HUWE1: variants seen among roughly 807,000 people sequenced by gnomAD.
The protein encoded by HUWE1 is HECT, UBA and WWE domain containing E3 ubiquitin protein ligase 1, also known as E3 ubiquitin-protein ligase HUWE1.
A neutral mutation model predicts 299.4 loss-of-function variants in HUWE1; 18 were observed. That is an observed-to-expected ratio of 0.06 (90% CI 0.04 to 0.09). The LOEUF (loss-of-function observed/expected upper bound fraction) is 0.09, where lower values mean the gene tolerates loss of function less well. Ranked by LOEUF, HUWE1 falls within the 10% of genes least tolerant of loss-of-function variation. The pLI, the probability that HUWE1 is intolerant of heterozygous loss-of-function variation, is 1.00. For missense variants in HUWE1, 1,832 were observed against 3,462.3 expected, an observed-to-expected ratio of 0.53 and a Z score of 11.82; for synonymous variants, 1,317 against 1,286.1, an observed-to-expected ratio of 1.02 and a Z score of -0.51.
chrX:53,627,951 T>C, intron 15 of HUWE1, 72 bp from the exon 16 acceptor site: 1 of 998,160 alleles, frequency 1.0e-6, no homozygotes, highest in Non-Finnish European at 1.4e-6. Flanking sequence ...CATGCTTTTG[T>C]ATACATGTAG....
At position 53,581,037 on chromosome X, in the gene HUWE1, G is replaced by C. The variant is rs782622210; in HGVS notation, c.5521-11C>G. The C allele has an allele frequency of 1.7e-6, 2 of 1,180,569 alleles. No homozygotes were observed. The highest frequency in any genetic ancestry group is 4.5e-5 in the Admixed American group (2 of 44,003). On this transcript the variant is annotated splice_polypyrimidine_tract_variant and intron_variant, in intron 42 of 83. Transcript: ENST00000262854. ...TGCTGAGCGAACAACCTAGTAAAGA[G>C]AGAAAGAAACACTGTCGATTAAACA...
At chrX:53,648,571 A>G (rs2068240451) in intron 4 of HUWE1, among the ~76,000 whole-genome samples, 1 of 106,084 alleles carries the variant, frequency 9.4e-6, no homozygotes, top group Non-Finnish European at 1.9e-5. Flanking sequence ...ACAAAAACCC[A>G]CCTTGGATTT....
chrX:53,561,715 G>C (rs2062303452), intron 55 of HUWE1, 41 bp downstream of exon 55: 2 of 1,207,343 alleles, frequency 1.7e-6, no homozygotes, highest in Non-Finnish European at 2.2e-6. Context: ...AAGGGTATAA[G>C]AATCAAGAGA....
chrX:53,633,014 T>C (rs1002407439), intron 8 of HUWE1, among the ~76,000 whole-genome samples: 2 of 112,745 alleles, frequency 1.8e-5, no homozygotes, highest in Middle Eastern at 4.6e-3. Flanking sequence ...CCTTCTGAAA[T>C]ATTTAATTCA....
chrX:53,616,941 C>G lies in HUWE1; in HGVS notation c.1957+29G>C, dbSNP rs781919662. 5 of 1,155,830 alleles carry G rather than the reference C, an allele frequency of 4.3e-6. No homozygotes were observed. In the Admixed American group the frequency reaches 1.1e-4, roughly 25 times the overall value. On this transcript the variant is annotated intron_variant, in intron 21 of 83. Coordinates refer to ENST00000262854, the MANE Select transcript of HUWE1 (RefSeq NM_031407.7). Reference sequence around the variant, plus strand: ...TTTCCTTGCAAACTAAATCAATTTTCTACTATAAAATAAATCTTAACAACT... The same window carrying G: ...TTTCCTTGCAAACTAAATCAATTTTGTACTATAAAATAAATCTTAACAACT...
At chrX:53,639,255 G>C (rs1399911431) in intron 7 of HUWE1, among the ~76,000 whole-genome samples, 3 of 111,873 alleles carry the variant, frequency 2.7e-5, no homozygotes, top group Non-Finnish European at 5.6e-5. Context: ...AATCATTACT[G>C]ATCAGTGAAG....
chrX:53,666,147 C>A (rs962027807), intron 3 of HUWE1, among the ~76,000 whole-genome samples: 31 of 111,516 alleles, frequency 2.8e-4, no homozygotes, highest in Non-Finnish European at 5.3e-4. Flanking sequence ...TTACTTCACC[C>A]GAGACTTATT....
At chrX:53,533,961 A>G in intron 83 of HUWE1, 46 bp downstream of exon 83, 1 of 1,137,393 alleles carries the variant, frequency 8.8e-7, no homozygotes, top group South Asian at 1.8e-5. Flanking sequence ...CAAGTATGCA[A>G]GCTCAACCTA....
chrX:53,586,208 A>T (rs1353625348), intron 39 of HUWE1, among the ~76,000 whole-genome samples: 4 of 112,033 alleles, frequency 3.6e-5, no homozygotes, highest in Non-Finnish European at 7.5e-5. Flanking sequence ...GTGGCACAAT[A>T]ATCTTCATCT....
chrX:53,600,928 T>G (rs1556989879), intron 28 of HUWE1, among the ~76,000 whole-genome samples: 1 of 112,409 alleles, frequency 8.9e-6, no homozygotes, highest in Admixed American at 9.4e-5. Flanking sequence ...GGCAATTCTT[T>G]GACAGTGAAT....
intron 7 of HUWE1, among the ~76,000 whole-genome samples, chrX:53,638,458 T>C (rs1557028060): frequency 8.9e-6 from 1 of 112,665 alleles, no homozygotes; most frequent in African/African-American, 3.2e-5. Flanking sequence ...TAAATAACTA[T>C]ATTCATTATG....
intron 53 of HUWE1, 110 bp downstream of exon 53, chrX:53,562,721 T>A (rs1285240166): frequency 1.2e-5 from 7 of 595,425 alleles, no homozygotes; most frequent in Non-Finnish European, 2.0e-5. Context: ...TGCAGACAGA[T>A]GCTTCCTTAT....
intron 76 of HUWE1, 41 bp from the exon 77 acceptor site, chrX:53,538,495 G>T (rs1556915141): frequency 2.2e-6 from 2 of 929,469 alleles, no homozygotes; most frequent in Non-Finnish European, 3.1e-6. Context: ...CACATCATCT[G>T]CCCCAGAAGC....
chrX:53,638,711 C>G (rs1206172919), intron 7 of HUWE1, among the ~76,000 whole-genome samples: 6 of 112,141 alleles, frequency 5.4e-5, no homozygotes, highest in African/African-American at 1.9e-4. Context: ...ATCAGCAACT[C>G]AGGAGTTAGG....
intron 40 of HUWE1, 61 bp from the exon 41 acceptor site, chrX:53,584,406 A>T: frequency 1.1e-6 from 1 of 949,349 alleles, no homozygotes; most frequent in Non-Finnish European, 1.5e-6. Context: ...AAGGTGGGGG[A>T]GGGGAGGGAC....
intron 44 of HUWE1, among the ~76,000 whole-genome samples, chrX:53,576,581 T>G (rs932031669): frequency 2.7e-5 from 3 of 112,159 alleles, no homozygotes; most frequent in Non-Finnish European, 5.6e-5. Flanking sequence ...CCGTATGGTG[T>G]GTATTCTCAT....
At position 53,577,028 on chromosome X, in the gene HUWE1, G is replaced by A. The variant is rs782356197; in HGVS notation, c.5756C>T (p.Pro1919Leu). The A allele has an allele frequency of 8.3e-7, 1 of 1,209,204 alleles. No individual in the cohort carries two copies. The highest frequency in any genetic ancestry group is 1.1e-6 in the Non-Finnish European group (1 of 893,429). ...GGTCTTCACCAGCTGTACAGCATTAGGGCCTTTAATTCTAAGATTCTCAAA... is the reference window on the plus strand; with the variant it reads ...GGTCTTCACCAGCTGTACAGCATTAAGGCCTTTAATTCTAAGATTCTCAAA... ...DEFENLRIKG[P>L]NAVQLVKTTP... The change falls in exon 44 of 84, where the codon CCT becomes CTT. Residue 1919 changes from proline (P) to leucine (L), a missense_variant. Physicochemically the swap from Pro to Leu is moderately conservative, Grantham distance 98 (BLOSUM62 -3). Transcript: ENST00000262854.
chrX:53,665,655 A>G (rs1557047253), intron 3 of HUWE1, among the ~76,000 whole-genome samples: 1 of 112,481 alleles, frequency 8.9e-6, no homozygotes. Flanking sequence ...GGCTCACCAA[A>G]GTTGCAGATT....
Position 53,552,639 on chromosome X carries a change from T to C in HUWE1, c.8749A>G (p.Ser2917Gly). ...SGESAQPPEDSSPPASSESSS... is the reference protein window; with the variant it reads ...SGESAQPPEDGSPPASSESSS... ...CTTCTTTTGCCCACACATGCTTACC[T>C]GTCCTCAGGTGGCTGGGCAGATTCC... is the stretch of plus-strand genomic sequence containing the variant. Residue 2917 changes from serine to glycine, a missense_variant and splice_region_variant, in exon 62 of 84, where the codon AGC becomes GGC. By Grantham distance (56) the Ser-to-Gly change is moderately conservative. Coordinates refer to ENST00000262854, the MANE Select transcript of HUWE1 (RefSeq NM_031407.7). 8.3e-7 allele frequency: 1 copy of C among 1,211,981 alleles called. No individual in the cohort carries two copies.
Sources: gnomAD v4.1 joint callset for allele counts (sites outside exome capture counted in the v4.1 genomes callset) on GRCh38, gnomAD v4.1.1 for gene constraint, MANE v1.5 for transcripts, NCBI Gene and HGNC (gene_info 2026-07-23, HGNC 2026-07-21) for gene names.